The following ANKMY2 variants were observed in gnomAD, a reference collection of about 807,000 sequenced individuals.
ANKMY2 encodes ankyrin repeat and MYND domain containing 2.
Under a neutral mutation model 50.4 loss-of-function variants are expected in ANKMY2, and 36 were observed. The observed-to-expected ratio is 0.71, with a 90% CI of 0.55 to 0.94. The LOEUF (loss-of-function observed/expected upper bound fraction) is 0.94. ANKMY2 is among the 40% of genes least tolerant of loss of function. The pLI, the probability that ANKMY2 is intolerant of heterozygous loss-of-function variation, is 0.00. For synonymous variants in ANKMY2, 187 were observed against 178.8 expected (o/e 1.05, Z -0.36); for missense variants, 565 against 524.0 (o/e 1.08, Z -0.76).
chr7:16,639,143 G>C (rs1033893401), intron 1 of ANKMY2, among the ~76,000 whole-genome samples: 3 of 152,164 alleles, frequency 2.0e-5, no homozygotes, highest in African/African-American at 4.8e-5. Context: ...GACATTAGTC[G>C]GAAATTATAG....
At chr7:16,615,715 A>C (rs373473603) in intron 5 of ANKMY2, 29 bp downstream of exon 5, 3 of 1,613,278 alleles carry the variant, frequency 1.9e-6, no homozygotes, top group African/African-American at 2.7e-5. Flanking sequence ...TATTTACATA[A>C]AAAGCAAATA....
chr7:16,638,180 G>T (rs1781693505), intron 1 of ANKMY2, among the ~76,000 whole-genome samples: 1 of 152,188 alleles, frequency 6.6e-6, no homozygotes, highest in Non-Finnish European at 1.5e-5. Context: ...CACCAATGGG[G>T]TATCCTATAA....
intron 2 of ANKMY2, among the ~76,000 whole-genome samples, chr7:16,631,073 A>G (rs1440236245): frequency 6.6e-6 from 1 of 152,226 alleles, no homozygotes; most frequent in African/African-American, 2.4e-5. Flanking sequence ...CTGCAAACCT[A>G]TCAGGTTACA....
chr7:16,602,332 C>T lies in ANKMY2; in HGVS notation c.1141+48G>A, dbSNP rs372115112. The T allele has an allele frequency of 6.8e-5, 108 of 1,590,052 alleles. 3 individuals are homozygous for T. The South Asian group carries it at 1.1e-3, about 17-fold the overall frequency. On this transcript the variant is annotated intron_variant, in intron 9 of 9. Transcript: ENST00000306999. ...TCAGTGTGTTAAGATCACCTATCAT[C>T]TCTCTCTCCACTAAAAAGCAGAGTG...
intron 1 of ANKMY2, among the ~76,000 whole-genome samples, chr7:16,644,031 C>A (rs183340136): frequency 1.6e-4 from 24 of 151,448 alleles, no homozygotes; most frequent in African/African-American, 5.8e-4. Context: ...ACAGCGAGAG[C>A]GAGAGAGAGA....
At chr7:16,603,711 C>A in intron 8 of ANKMY2, 1 of 471,024 alleles carries the variant, frequency 2.1e-6, no homozygotes, top group South Asian at 1.5e-5. Flanking sequence ...TTTGTTTCAA[C>A]CAACAGCATG....
At chr7:16,618,216 A>G (rs1781385663) in intron 4 of ANKMY2, among the ~76,000 whole-genome samples, 1 of 152,092 alleles carries the variant, frequency 6.6e-6, no homozygotes, top group African/African-American at 2.4e-5. Flanking sequence ...GTGAGCCACC[A>G]TGCCCAGCCA....
chr7:16,600,707 T>G lies in ANKMY2; in HGVS notation c.*54A>C, dbSNP rs1781038861. On this transcript the variant is annotated 3_prime_UTR_variant, in exon 10 of 10. Coordinates refer to ENST00000306999, the MANE Select transcript of ANKMY2 (RefSeq NM_020319.3). ...GGTGAGGACAATGCATTCCTAGGAG[T>G]TTTCCAGCTTCTTGCAGGGTGAGGA... The G allele has an allele frequency of 2.7e-6, 4 of 1,481,470 alleles. No individual in the cohort carries two copies. In the Admixed American group the frequency reaches 6.7e-5, roughly 25 times the overall value. The allele number at this position is 1,481,470 out of a possible 1,614,324, so 91.8% of individuals were successfully genotyped here.
At chr7:16,640,581 G>T (rs546492033) in intron 1 of ANKMY2, among the ~76,000 whole-genome samples, 196 of 152,254 alleles carry the variant, frequency 1.3e-3, no homozygotes, top group African/African-American at 4.6e-3. Context: ...GAGTGCAGTG[G>T]CATGATCATG....
chr7:16,610,627 T>G lies in ANKMY2; in HGVS notation c.668A>C (p.His223Pro), dbSNP rs1439376559. The G allele has an allele frequency of 6.2e-7, 1 of 1,613,912 alleles. No individual in the cohort carries two copies. The highest frequency in any genetic ancestry group is 8.5e-7 in the Non-Finnish European group (1 of 1,179,928). ...TTTCTGAAAGATACAGCTTATGTAA[T>G]GCATCTTCATAGCCAATACTTCATT... is the stretch of plus-strand genomic sequence containing the variant. ...DMNEVLAMKM[H>P]YISCIFQKCI... The change falls in exon 6 of 10, where the codon CAT becomes CCT. Residue 223 changes from histidine to proline, a missense_variant. By Grantham distance (77) the His-to-Pro change is moderately conservative (BLOSUM62 -2). Coordinates refer to ENST00000306999, the MANE Select transcript of ANKMY2 (RefSeq NM_020319.3).
At chr7:16,601,497 T>C (rs940539652) in intron 9 of ANKMY2, among the ~76,000 whole-genome samples, 2 of 152,208 alleles carry the variant, frequency 1.3e-5, no homozygotes, top group African/African-American at 2.4e-5. Flanking sequence ...CCTTAGCACA[T>C]AGAATAAAAA....
intron 2 of ANKMY2, among the ~76,000 whole-genome samples, chr7:16,631,803 A>AG (rs1181397959): frequency 6.6e-6 from 1 of 151,700 alleles, no homozygotes; most frequent in Non-Finnish European, 1.5e-5. Context: ...TTAGTAGAGA[A>AG]GGGGTTTCAC....
chr7:16,619,239 C>T (rs975304364), intron 4 of ANKMY2, among the ~76,000 whole-genome samples: 3 of 151,842 alleles, frequency 2.0e-5, no homozygotes, highest in South Asian at 2.1e-4. Flanking sequence ...CCGCAACCTC[C>T]GCCTCCTAGG....
chr7:16,634,343 C>T (rs1781626966), intron 2 of ANKMY2, among the ~76,000 whole-genome samples: 1 of 152,144 alleles, frequency 6.6e-6, no homozygotes, highest in Non-Finnish European at 1.5e-5. Flanking sequence ...GGGAAAGCAA[C>T]TGAATTGGCT....
chr7:16,615,162 C>T (rs1270659111), intron 5 of ANKMY2, among the ~76,000 whole-genome samples: 4 of 152,156 alleles, frequency 2.6e-5, no homozygotes, highest in Non-Finnish European at 5.9e-5. Flanking sequence ...CATCAAATAG[C>T]CACTTAGTTT....
rs569379230 is a variant in ANKMY2, at chr7:16,605,583, C to T, written c.883-734G>A. ...CTCGATCTTGGCTCACTGCAACCTCCGCCTCCCAGGTTCAAGCAATTCTCC... is the reference window on the plus strand; with the variant it reads ...CTCGATCTTGGCTCACTGCAACCTCTGCCTCCCAGGTTCAAGCAATTCTCC... On this transcript the variant is annotated intron_variant, in intron 7 of 9. Coordinates refer to ENST00000306999, the MANE Select transcript of ANKMY2 (RefSeq NM_020319.3). Among the ~76,000 whole-genome samples, 24 of 151,802 alleles carry T rather than the reference C, an allele frequency of 1.6e-4. No homozygotes were observed. In the East Asian group the frequency reaches 4.1e-3, roughly 26 times the overall value.
intron 1 of ANKMY2, among the ~76,000 whole-genome samples, chr7:16,638,410 A>G (rs887281112): frequency 6.6e-6 from 1 of 152,220 alleles, no homozygotes; most frequent in African/African-American, 2.4e-5. Context: ...CCCATCAATT[A>G]CAAATAATAT....
intron 4 of ANKMY2, among the ~76,000 whole-genome samples, chr7:16,618,810 G>A (rs1781393831): frequency 6.6e-6 from 1 of 152,174 alleles, no homozygotes; most frequent in Non-Finnish European, 1.5e-5. Context: ...GTAATTGTGA[G>A]GAAATTTACA....
Position 16,636,699 on chromosome 7 carries a change from A to G in ANKMY2, c.68-244T>C, listed in dbSNP as rs140435044. On this transcript the variant is annotated intron_variant, in intron 1 of 9. Transcript: ENST00000306999. The stretch of plus-strand genomic sequence containing the variant: ...TTTATTTTCACTGACCTTAAAGTAT[A>G]TTACATTGGCCACATTTTCCTTTTG... Among the ~76,000 whole-genome samples the G allele has an allele frequency of 3.6e-3, 549 of 152,308 alleles. 7 individuals carry two copies. Among genetic ancestry groups the G allele is most frequent in the African/African-American group, 0.013 (524 of 41,564 alleles).
Sources: gnomAD v4.1 joint callset for allele counts (sites outside exome capture counted in the v4.1 genomes callset) on GRCh38, gnomAD v4.1.1 for gene constraint, MANE v1.5 for transcripts, NCBI Gene and HGNC (gene_info 2026-07-23, HGNC 2026-07-21) for gene names.